Variants in WDR64 observed in about 807,000 individuals in gnomAD.
WDR64 encodes the protein WD repeat-containing protein 64.
A neutral mutation model predicts 139.3 loss-of-function variants in WDR64; 112 were observed. The observed-to-expected ratio is 0.80, with a 90% CI of 0.69 to 0.94. WDR64 has a LOEUF of 0.94. Among genes scored for constraint, WDR64 ranks in the 40% least tolerant of loss-of-function variants. WDR64 has a pLI of 0.00. For synonymous variants in WDR64, 444 were observed against 437.7 expected, an observed-to-expected ratio of 1.01 and a Z score of -0.18; for missense variants, 1,206 against 1,293.1, an observed-to-expected ratio of 0.93 and a Z score of 1.03.
chr1:241,660,482 G>A (rs952721677), intron 1 of WDR64, 48 bp from the exon 2 acceptor site: 2 of 1,534,952 alleles, frequency 1.3e-6, no homozygotes, highest in Admixed American at 4.0e-5. Flanking sequence ...AATACAAAAG[G>A]TAGTCCTTGG....
At position 241,735,843 on chromosome 1, in the gene WDR64, CTCTCTCTCTCTCTG is replaced by C. The variant is rs1669294381; in HGVS notation, c.1195-2518_1195-2505del. 1.3e-4 allele frequency among the ~76,000 whole-genome samples: 14 copies of C among 106,812 alleles called. No individual in the cohort carries two copies. The East Asian group carries it at 1.5e-3, about 12-fold the overall frequency. 70.1% of individuals were successfully genotyped at this position (106,812 alleles called of 152,430 possible). A position where few individuals can be genotyped will look rare whatever the true frequency, so the allele number is the denominator to read the frequency against. On this transcript the variant is annotated intron_variant, in intron 10 of 27. Coordinates refer to ENST00000437684, the MANE Select transcript of WDR64 (RefSeq NM_001367482.1). ...TTTCTATCTCTCTCTCTCTCTCTCTCTCTCTCTCTCTCTGTGTGTGTGTGTGTGTGTGTGTGTGT... is the reference window on the plus strand; with the variant it reads ...TTTCTATCTCTCTCTCTCTCTCTCTCTGTGTGTGTGTGTGTGTGTGTGTGT...
At chr1:241,681,104 CTCTT>C (rs1441858508) in intron 6 of WDR64, among the ~76,000 whole-genome samples, 1 of 152,024 alleles carries the variant, frequency 6.6e-6, no homozygotes, top group Non-Finnish European at 1.5e-5. Flanking sequence ...CTCTCTCTCT[CTCTT>C]TAAAAATTGT....
In WDR64 at chr1:241,757,414, A is replaced by G; in HGVS notation, c.1902A>G (p.Pro634=). The stretch of plus-strand genomic sequence containing the variant: ...ACAGGAACATGGCTATTCCTTTCCC[A>G]GATGTCGAGTTGATAGTTGAGAGGA... ...TRDRNMAIPF[P]DVELIVERNF... The change falls in exon 15 of 28, where the codon CCA becomes CCG. Residue 634 remains proline (P), a synonymous_variant. Coordinates refer to ENST00000437684, the MANE Select transcript of WDR64 (RefSeq NM_001367482.1). 1 of 1,613,784 alleles carries G rather than the reference A, an allele frequency of 6.2e-7. No homozygotes were observed. Among genetic ancestry groups the G allele is most frequent in the Non-Finnish European group, 8.5e-7 (1 of 1,179,844 alleles).
At chr1:241,688,689 C>T (rs1393070665) in intron 8 of WDR64, among the ~76,000 whole-genome samples, 1 of 152,314 alleles carries the variant, frequency 6.6e-6, no homozygotes, top group Non-Finnish European at 1.5e-5. Context: ...TCACAACTTA[C>T]TGGAGCAGAA....
chr1:241,654,542 T>C (rs1182152695), intron 1 of WDR64, among the ~76,000 whole-genome samples: 1 of 152,232 alleles, frequency 6.6e-6, no homozygotes, highest in East Asian at 1.9e-4. Flanking sequence ...CATCACATCA[T>C]TCTTATTTTT....
intron 21 of WDR64, among the ~76,000 whole-genome samples, chr1:241,779,231 T>A (rs182482881): frequency 2.2e-4 from 33 of 152,318 alleles, no homozygotes; most frequent in Non-Finnish European, 4.4e-4. Context: ...AAGTTTGATG[T>A]CATTCTTATG....
At chr1:241,769,381 T>A in intron 16 of WDR64, 23 bp from the exon 17 acceptor site, 1 of 1,541,392 alleles carries the variant, frequency 6.5e-7, no homozygotes, top group Non-Finnish European at 8.8e-7. Flanking sequence ...TTTTTTCTCA[T>A]ATAAATGTAT....
At chr1:241,731,279 C>T (rs927946722) in intron 10 of WDR64, among the ~76,000 whole-genome samples, 3 of 151,402 alleles carry the variant, frequency 2.0e-5, no homozygotes, top group African/African-American at 7.3e-5. Context: ...GAGGCTGAAG[C>T]GGGAGGATCA....
chr1:241,735,853 CTCTGTGTGTGTGTG>C (rs1488750491), intron 10 of WDR64, among the ~76,000 whole-genome samples: 27 of 91,278 alleles, frequency 3.0e-4, no homozygotes, highest in African/African-American at 1.4e-3. Context: ...CTCTCTCTCT[CTCTGTGTGTGTGTG>C]TGTGTGTGTG....
chr1:241,725,322 A>G (rs1028929610), intron 10 of WDR64, among the ~76,000 whole-genome samples: 6 of 152,064 alleles, frequency 3.9e-5, no homozygotes, highest in African/African-American at 1.4e-4. Context: ...AAACAAGAAA[A>G]TAGGGAGGAA....
chr1:241,708,214 T>G (rs114716656), intron 8 of WDR64, among the ~76,000 whole-genome samples: 2,032 of 152,358 alleles, frequency 0.013, 50 homozygotes, highest in African/African-American at 0.046. Context: ...CTTTAAATTA[T>G]TATCTCATTA....
chr1:241,796,498 T>C lies in WDR64; in HGVS notation c.3192+128T>C. 5.8e-6 allele frequency: 4 copies of C among 684,160 alleles called. No homozygotes were observed. In the South Asian group the frequency reaches 9.3e-5, roughly 16 times the overall value. The allele number at this position is 684,160 out of a possible 1,614,324, so 42.4% of individuals were successfully genotyped here. A position where few individuals can be genotyped will look rare whatever the true frequency, so the allele number is the denominator to read the frequency against. On this transcript the variant is annotated intron_variant, in intron 27 of 27. Coordinates refer to ENST00000437684, the MANE Select transcript of WDR64 (RefSeq NM_001367482.1). ...AAAATCATTTCAGTTCATACTTTTT[T>C]TTTTTTTTCTTGAGGCGGAGTTTCC...
chr1:241,784,256 G>C (rs200919102), intron 23 of WDR64, among the ~76,000 whole-genome samples: 1 of 152,110 alleles, frequency 6.6e-6, no homozygotes, highest in Non-Finnish European at 1.5e-5. Flanking sequence ...AATATGACCT[G>C]ATTTATATTT....
intron 23 of WDR64, among the ~76,000 whole-genome samples, chr1:241,784,810 C>T (rs904738402): frequency 4.6e-5 from 7 of 151,220 alleles, no homozygotes; most frequent in Non-Finnish European, 7.4e-5. Flanking sequence ...AAAAATTAGC[C>T]GGGCGTGGTG....
At chr1:241,661,991 C>T (rs1665851504) in intron 2 of WDR64, among the ~76,000 whole-genome samples, 1 of 152,006 alleles carries the variant, frequency 6.6e-6, no homozygotes, top group Non-Finnish European at 1.5e-5. Flanking sequence ...ACTACCTAGC[C>T]CTTTTCGAAA....
rs1025887906 is a variant in WDR64, at chr1:241,660,636, G to T, written c.252G>T (p.Thr84=). 6.4e-7 allele frequency: 1 copy of T among 1,551,414 alleles called. No homozygotes were observed. Among genetic ancestry groups the T allele is most frequent in the Non-Finnish European group, 8.7e-7 (1 of 1,146,730 alleles). Residue 84 remains threonine, a synonymous_variant, in exon 2 of 28, where the codon ACG becomes ACT. Transcript: ENST00000437684. ...KRFYRKLCNN[T]DASADWCEIF... ...TTTACAGGAAACTGTGCAACAACAC[G>T]GATGCATCTGCAGACTGGTGTGAGG...
intron 15 of WDR64, among the ~76,000 whole-genome samples, chr1:241,764,197 A>G (rs1658044095): frequency 6.6e-6 from 1 of 152,200 alleles, no homozygotes; most frequent in South Asian, 2.1e-4. Context: ...TGAGCATCCT[A>G]TAACAAATGG....
intron 10 of WDR64, among the ~76,000 whole-genome samples, chr1:241,733,516 T>C (rs1669174783): frequency 6.9e-6 from 1 of 145,336 alleles, no homozygotes; most frequent in Non-Finnish European, 1.5e-5. Context: ...GAATCATCAT[T>C]ATTATTTTTA....
intron 4 of WDR64, chr1:241,677,454 A>G (rs1288504906): frequency 2.5e-5 from 10 of 398,368 alleles, no homozygotes; most frequent in Non-Finnish European, 4.0e-5. Context: ...ATTTCACATA[A>G]TCCGTTTCTT....
Sources: gnomAD v4.1 joint callset for allele counts (sites outside exome capture counted in the v4.1 genomes callset) on GRCh38, gnomAD v4.1.1 for gene constraint, MANE v1.5 for transcripts, NCBI Gene and HGNC (gene_info 2026-07-23, HGNC 2026-07-21) for gene names.